Variants in ERCC1 observed in about 807,000 individuals in gnomAD.
ERCC1 encodes ERCC excision repair 1, endonuclease non-catalytic subunit, also known as DNA excision repair protein ERCC-1.
ERCC1 carries 36 observed loss-of-function variants against 37.6 expected under a neutral mutation model. The observed-to-expected ratio is 0.96, with a 90% CI of 0.73 to 1.26. The LOEUF (loss-of-function observed/expected upper bound fraction) is 1.26. Among genes scored for constraint, ERCC1 ranks in the 50% most tolerant of loss-of-function variants. The pLI is 0.00. For synonymous variants in ERCC1, 156 were observed against 162.1 expected (o/e 0.96, Z 0.28); for missense variants, 349 against 376.5 (o/e 0.93, Z 0.60).
intron 1 of ERCC1, among the ~76,000 whole-genome samples, chr19:45,442,315 CAAAAAAA>C (rs61166082): frequency 1.2e-5 from 1 of 85,818 alleles, no homozygotes. Context: ...GACCCTGTCT[CAAAAAAA>C]AAAAAAAGAA....
At chr19:45,413,466 A>C (rs970531936) in intron 9 of ERCC1, 13 of 961,896 alleles carry the variant, frequency 1.4e-5, no homozygotes, top group Non-Finnish European at 2.0e-5. Flanking sequence ...TTTAGTAAAA[A>C]TGAGGTGTCC....
At chr19:45,444,498 C>G (rs1425089887) in intron 1 of ERCC1, among the ~76,000 whole-genome samples, 2 of 152,158 alleles carry the variant, frequency 1.3e-5, no homozygotes, top group Non-Finnish European at 2.9e-5. Context: ...GTCAGGAGGC[C>G]ACCGGGCCGG....
intron 1 of ERCC1, among the ~76,000 whole-genome samples, chr19:45,443,475 A>G (rs112521888): frequency 3.3e-5 from 5 of 152,138 alleles, no homozygotes; most frequent in Admixed American, 3.3e-4. Flanking sequence ...ATCGCCAGTG[A>G]GTAAGAAAAC....
chr19:45,418,934 C>T (rs1974228766), intron 5 of ERCC1, among the ~76,000 whole-genome samples, 164 bp downstream of exon 5: 1 of 152,018 alleles, frequency 6.6e-6, no homozygotes, highest in Non-Finnish European at 1.5e-5. Flanking sequence ...ATTTTGCCCT[C>T]CCCTCTCCTT....
rs917082359 is a variant in ERCC1, at chr19:45,450,456, G to T, written c.-7-27075C>A. 7.2e-5 allele frequency among the ~76,000 whole-genome samples: 11 copies of T among 152,126 alleles called. No homozygotes were observed. In the South Asian group the frequency reaches 1.0e-3, roughly 14 times the overall value. On this transcript the variant is annotated intron_variant, in intron 1 of 8. Coordinates refer to the ERCC1 transcript ENST00000423698. ...CCGGCCGAGGTCGGCGCTGTAAAAT[G>T]CTCCTGCTCCTTTAAGAGAATGAAC...
rs747329205 is a variant in ERCC1, at chr19:45,408,928, A to G, written c.*747T>C. 47 of 1,613,996 alleles carry G rather than the reference A, an allele frequency of 2.9e-5. No individual in the cohort carries two copies. Among genetic ancestry groups the G allele is most frequent in the Non-Finnish European group, 4.0e-5 (47 of 1,180,006 alleles). On this transcript the variant is annotated 3_prime_UTR_variant, in exon 10 of 10. Coordinates refer to ENST00000300853, the MANE Select transcript of ERCC1 (RefSeq NM_001983.4). ...AGGTGAAGGTGGAGCCACTGGAGGA[A>G]GCCATCCCTCTGCCCCCTACGAAGA...
Position 45,419,090 on chromosome 19 carries a change from C to T in ERCC1, c.525+8G>A, listed in dbSNP as rs1349736568. 6.4e-7 allele frequency: 1 copy of T among 1,558,390 alleles called. No homozygotes were observed. Among genetic ancestry groups the T allele is most frequent in the Non-Finnish European group, 8.7e-7 (1 of 1,148,834 alleles). On this transcript the variant is annotated splice_region_variant and intron_variant, in intron 5 of 9. Transcript: ENST00000300853. ...GGTGAGGCTGGCTAGGGAGCAGCCCCTGCTTACCACATCCACCTGGACAAG... is the reference window on the plus strand; with the variant it reads ...GGTGAGGCTGGCTAGGGAGCAGCCCTTGCTTACCACATCCACCTGGACAAG...
chr19:45,424,628 C>T (rs1266938367), upstream of ERCC1, among the ~76,000 whole-genome samples: 1 of 152,196 alleles, frequency 6.6e-6, no homozygotes, highest in East Asian at 1.9e-4. Flanking sequence ...ATTTTGTCTT[C>T]TGTGAATTGC....
chr19:45,416,925 C>G (rs1355650424), intron 5 of ERCC1, 28 bp from the exon 6 acceptor site: 1 of 1,574,268 alleles, frequency 6.4e-7, no homozygotes, highest in Non-Finnish European at 8.7e-7. Context: ...AATTAGAAAC[C>G]TAGAAGCCAG....
At chr19:45,430,598 T>C (rs1402148850) in intron 1 of ERCC1, among the ~76,000 whole-genome samples, 1 of 152,078 alleles carries the variant, frequency 6.6e-6, no homozygotes, top group Non-Finnish European at 1.5e-5. Flanking sequence ...CAGCACCCCT[T>C]TGGGGGTCTA....
At chr19:45,445,697 G>A (rs1307153143) in intron 1 of ERCC1, among the ~76,000 whole-genome samples, 2 of 152,200 alleles carry the variant, frequency 1.3e-5, no homozygotes, top group Admixed American at 1.3e-4. Context: ...GGAGGAACAC[G>A]GAGGCAGCTA....
chr19:45,409,504 T>C lies in ERCC1; in HGVS notation c.*171A>G, dbSNP rs2123436754. 6.2e-7 allele frequency: 1 copy of C among 1,601,704 alleles called. No homozygotes were observed. The highest frequency in any genetic ancestry group is 8.5e-7 in the Non-Finnish European group (1 of 1,174,856). On this transcript the variant is annotated 3_prime_UTR_variant, in exon 10 of 10. Transcript: ENST00000300853. The stretch of plus-strand genomic sequence containing the variant: ...AGCAGCAGCAGCAGCCTGTGTAGTC[T>C]GCCCCCGGGAAACTGAGGAACTAAA...
upstream of ERCC1, chr19:45,424,245 A>C: frequency 1.1e-5 from 2 of 176,056 alleles, no homozygotes; most frequent in Non-Finnish European, 2.3e-5. Flanking sequence ...TATTCCCCCC[A>C]CGCGCTTCCT....
chr19:45,447,426 C>T (rs1022961468), intron 1 of ERCC1, among the ~76,000 whole-genome samples: 4 of 151,882 alleles, frequency 2.6e-5, no homozygotes, highest in Admixed American at 6.6e-5. Context: ...CAGGCACGTG[C>T]CACCACACCC....
chr19:45,419,379 A>G, intron 4 of ERCC1, 182 bp from the exon 5 acceptor site: 1 of 606,330 alleles, frequency 1.6e-6, no homozygotes, highest in Non-Finnish European at 3.0e-6. Context: ...CTCCGCAGGG[A>G]TTGGCAGCCA....
rs117128015 is a variant in ERCC1, at chr19:45,407,645, C to T, written c.*2030G>A. On this transcript the variant is annotated 3_prime_UTR_variant, in exon 10 of 10. Transcript: ENST00000300853. ...CATGTTCTGTATGGCCATAAATATT[C>T]TGTAATTATAATTGGTGGTCAGCCT... is the stretch of plus-strand genomic sequence containing the variant. 4.7e-3 allele frequency: 1,208 copies of T among 256,138 alleles called. 32 individuals are homozygous for T. Among genetic ancestry groups the T allele is most frequent in the East Asian group, 0.043 (684 of 16,088 alleles). The allele number at this position is 256,138 out of a possible 1,614,324, so 15.9% of individuals were successfully genotyped here.
Position 45,423,576 on chromosome 19 carries a change from C to T in ERCC1, c.-7-195G>A, listed in dbSNP as rs1238687011. On this transcript the variant is annotated intron_variant, in intron 1 of 9. Coordinates refer to ENST00000300853, the MANE Select transcript of ERCC1 (RefSeq NM_001983.4). ...CACCTTCGGCTCGCCCCGCCCCTTA[C>T]AGGTCCACAAGTCCCATCGCTCCGC... The T allele has an allele frequency of 5.6e-6, 8 of 1,424,144 alleles. No individual in the cohort carries two copies. The South Asian group carries it at 1.0e-4, about 18-fold the overall frequency. The allele number at this position is 1,424,144 out of a possible 1,614,324, so 88.2% of individuals were successfully genotyped here. A position where few individuals can be genotyped will look rare whatever the true frequency, so the allele number is the denominator to read the frequency against.
At chr19:45,426,753 G>A (rs1362707184), upstream of ERCC1, among the ~76,000 whole-genome samples, 1 of 151,490 alleles carries the variant, frequency 6.6e-6, no homozygotes, top group Non-Finnish European at 1.5e-5. Context: ...GGGCTCCAGA[G>A]TTCAAGACCA....
chr19:45,434,992 G>A (rs1175703648), intron 1 of ERCC1, among the ~76,000 whole-genome samples: 1 of 151,440 alleles, frequency 6.6e-6, no homozygotes, highest in Non-Finnish European at 1.5e-5. Flanking sequence ...CACGTTGGTC[G>A]GGCTGGTCTC....
Sources: gnomAD v4.1 joint callset for allele counts (sites outside exome capture counted in the v4.1 genomes callset) on GRCh38, gnomAD v4.1.1 for gene constraint, MANE v1.5 for transcripts, NCBI Gene and HGNC (gene_info 2026-07-23, HGNC 2026-07-21) for gene names.